Variants in TBRG1 observed in about 807,000 individuals in gnomAD.
TBRG1 encodes nuclear interactor of ARF and MDM2.
A neutral mutation model predicts 44.0 loss-of-function variants in TBRG1; 31 were observed. The observed-to-expected ratio is 0.70, with a 90% confidence interval of 0.53 to 0.95. TBRG1 has a LOEUF of 0.95. TBRG1 is among the 40% of genes least tolerant of loss of function. The pLI, the probability that TBRG1 is intolerant of heterozygous loss-of-function variation, is 0.00. For synonymous variants in TBRG1, 171 were observed against 188.1 expected (o/e 0.91, Z 0.74); for missense variants, 487 against 496.1 (o/e 0.98, Z 0.18).
At chr11:124,626,032 T>C in intron 3 of TBRG1, 129 bp downstream of exon 3, 1 of 1,320,126 alleles carries the variant, frequency 7.6e-7, no homozygotes, top group Non-Finnish European at 1.0e-6. Context: ...TAAGGAGCCC[T>C]AGGAGCCCTT....
At chr11:124,626,663 G>T in intron 4 of TBRG1, 54 bp downstream of exon 4, 1 of 1,540,064 alleles carries the variant, frequency 6.5e-7, no homozygotes, top group Non-Finnish European at 8.8e-7. Flanking sequence ...ACGGGAATGG[G>T]GTTGAGCCTT....
intron 1 of TBRG1, among the ~76,000 whole-genome samples, chr11:124,624,418 T>G (rs1421479042): frequency 6.6e-6 from 1 of 151,354 alleles, no homozygotes; most frequent in Non-Finnish European, 1.5e-5. Flanking sequence ...TATAAGTAGA[T>G]TGTGAAGTTT....
Position 124,623,216 on chromosome 11 carries a change from G to A in TBRG1, c.133G>A (p.Ala45Thr), listed in dbSNP as rs772928169. 3.4e-5 allele frequency: 52 copies of A among 1,551,556 alleles called. No individual in the cohort carries two copies. The highest frequency in any genetic ancestry group is 4.5e-5 in the Non-Finnish European group (52 of 1,147,018). Reference sequence around the variant, plus strand: ...GAAGTACCTGCGGCTGCGCAAAGCGGCCAAGGCCACGGTGTTTGTGAGTCT... The same window carrying A: ...GAAGTACCTGCGGCTGCGCAAAGCGACCAAGGCCACGGTGTTTGTGAGTCT... The part of the protein sequence containing the change: ...RLKYLRLRKA[A>T]KATVFENAAI... Residue 45 changes from alanine (A) to threonine (T), a missense_variant, in exon 1 of 9, where the codon GCC (alanine) becomes ACC (threonine). Coordinates refer to ENST00000441174, the MANE Select transcript of TBRG1 (RefSeq NM_032811.3).
chr11:124,627,572 C>T (rs1942500716), intron 5 of TBRG1, among the ~76,000 whole-genome samples: 1 of 151,714 alleles, frequency 6.6e-6, no homozygotes, highest in Non-Finnish European at 1.5e-5. Flanking sequence ...TAGGGAAAAA[C>T]AAAAAAATAG....
chr11:124,629,062 T>C (rs972660580), intron 5 of TBRG1, among the ~76,000 whole-genome samples: 4 of 152,258 alleles, frequency 2.6e-5, no homozygotes, highest in African/African-American at 9.6e-5. Context: ...ATAACATTTC[T>C]ATCTTTAATG....
Position 124,623,082 on chromosome 11 carries a change from C to T in TBRG1, c.-2C>T, listed in dbSNP as rs962223639. The T allele has an allele frequency of 1.9e-6, 3 of 1,547,160 alleles. No homozygotes were observed. In the African/African-American group the frequency reaches 4.1e-5, roughly 21 times the overall value. ...CTGGGGCCCCCGTAGCGGGGCTGGA[C>T]CATGAGCCTGCTGGACGGCCTCGCT... is the stretch of plus-strand genomic sequence containing the variant. On this transcript the variant is annotated 5_prime_UTR_variant, in exon 1 of 9. Transcript: ENST00000441174.
intron 7 of TBRG1, chr11:124,631,070 TG>T: frequency 1.6e-6 from 1 of 638,226 alleles, no homozygotes; most frequent in Non-Finnish European, 2.7e-6. Flanking sequence ...GTATGTACCA[TG>T]ACAGCAAAAG....
chr11:124,632,272 C>CGT lies in TBRG1; in HGVS notation c.*36_*37dup, dbSNP rs777404981. The CGT allele has an allele frequency of 6.3e-7, 1 of 1,597,690 alleles. No individual in the cohort carries two copies. The highest frequency in any genetic ancestry group is 1.3e-5 in the African/African-American group (1 of 74,364). On this transcript the variant is annotated 3_prime_UTR_variant, in exon 9 of 9. Transcript: ENST00000441174. ...GGATCAGATGCCACATCGTTTTTGT[C>CGT]GTGATTAATTTAACTTAAACTAAAA... is the stretch of plus-strand genomic sequence containing the variant.
In TBRG1 at chr11:124,625,723, C is replaced by G; in HGVS notation, c.274C>G (p.Gln92Glu). 6.4e-7 allele frequency: 1 copy of G among 1,556,096 alleles called. No homozygotes were observed. The highest frequency in any genetic ancestry group is 8.7e-7 in the Non-Finnish European group (1 of 1,148,936). The change falls in exon 3 of 9, where the codon CAG becomes GAG. Residue 92 changes from glutamine to glutamate, a missense_variant. Transcript: ENST00000441174. ...QLQALTEGEV[Q>E]AAAPSHSSSL... ...TCAGGCTCTAACTGAAGGGGAAGTA[C>G]AGGCTGCAGCTCCTTCCCACAGTTC...
chr11:124,626,956 G>A lies in TBRG1; in HGVS notation c.644G>A (p.Gly215Asp), dbSNP rs778381801. The change falls in exon 5 of 9, where the codon GGC becomes GAC. Residue 215 changes from glycine (G) to aspartate (D), a missense_variant. By Grantham distance (94) the Gly-to-Asp change is moderately conservative. Transcript: ENST00000441174. ...FHDESAIYPV[G>D]YCSTRIYASM... is the part of the protein sequence containing the mutation. The stretch of plus-strand genomic sequence containing the variant: ...GATGAGAGTGCCATCTACCCCGTGG[G>A]CTATTGCAGTACTCGAATATATGCC... The A allele has an allele frequency of 3.7e-6, 6 of 1,601,962 alleles. No individual in the cohort carries two copies. In the South Asian group the frequency reaches 4.5e-5, roughly 12 times the overall value.
chr11:124,629,127 C>T (rs1173895365), intron 5 of TBRG1, among the ~76,000 whole-genome samples: 1 of 152,092 alleles, frequency 6.6e-6, no homozygotes, highest in African/African-American at 2.4e-5. Flanking sequence ...TTGAAATTGA[C>T]ATGACAAATA....
chr11:124,631,563 A>AG, intron 8 of TBRG1, 146 bp downstream of exon 8: 2 of 875,218 alleles, frequency 2.3e-6, no homozygotes, highest in East Asian at 2.4e-5. Context: ...GCTGAGTTAG[A>AG]GGGGGACCTG....
In TBRG1 at chr11:124,632,120, C is replaced by T; in HGVS notation, c.1118C>T (p.Pro373Leu). 6.2e-7 allele frequency: 1 copy of T among 1,613,702 alleles called. No individual in the cohort carries two copies. ...PGSLDLPELQ[P>L]AAFVSSYQPM... is the part of the protein sequence containing the mutation. The stretch of plus-strand genomic sequence containing the variant: ...TCCTTGGACCTCCCAGAGCTTCAGC[C>T]TGCAGCCTTTGTGTCTTCTTACCAG... Residue 373 changes from proline (P) to leucine (L), a missense_variant, in exon 9 of 9, where the codon CCT becomes CTT. By Grantham distance (98) the Pro-to-Leu change is moderately conservative. Transcript: ENST00000441174.
At chr11:124,631,530 T>C (rs1388951003) in intron 8 of TBRG1, 113 bp downstream of exon 8, 14 of 1,173,150 alleles carry the variant, frequency 1.2e-5, no homozygotes, top group Admixed American at 1.7e-5. Context: ...ATAAAAGCTT[T>C]CATTGAATCA....
In TBRG1 at chr11:124,631,308, T is replaced by C. The variant is rs1942605184; in HGVS notation, c.981T>C (p.Pro327=). 1.2e-6 allele frequency: 2 copies of C among 1,610,348 alleles called. No homozygotes were observed. Among genetic ancestry groups the C allele is most frequent in the Non-Finnish European group, 1.7e-6 (2 of 1,178,220 alleles). ...GGGTGAAATTTGATGTGTGCAAACC[T>C]GGAGATGGGCAGCTACCTGAGGGGC... The part of the protein sequence containing the change: ...YQWVKFDVCK[P]GDGQLPEGLP... The change falls in exon 8 of 9, where the codon CCT becomes CCC. Residue 327 remains proline, a synonymous_variant. Coordinates refer to ENST00000441174, the MANE Select transcript of TBRG1 (RefSeq NM_032811.3).
In TBRG1 at chr11:124,633,055, A is replaced by G. The variant is rs1324025586; in HGVS notation, c.*817A>G. ...AATGTTCTGCTTAAACTCAAGATGG[A>G]AAGTCCAGTCCAAGGTACACTGTTC... On this transcript the variant is annotated 3_prime_UTR_variant, in exon 9 of 9. Transcript: ENST00000441174. 1.3e-5 allele frequency: 2 copies of G among 152,218 alleles called. No individual in the cohort carries two copies. The highest frequency in any genetic ancestry group is 1.3e-4 in the Admixed American group (2 of 15,280). 9.4% of individuals were successfully genotyped at this position (152,218 alleles called of 1,614,324 possible).
rs1337489764 is a variant in TBRG1, at chr11:124,625,776, C to T, written c.327C>T (p.Ala109=). 6.3e-7 allele frequency: 1 copy of T among 1,575,736 alleles called. No individual in the cohort carries two copies. Among genetic ancestry groups the T allele is most frequent in the South Asian group, 1.2e-5 (1 of 86,076 alleles). The part of the protein sequence containing the change: ...SSSLPLTYGV[A]SSVGTIQGAG... ...GTTTGCCCCTGACTTATGGTGTGGC[C>T]AGCTCTGTGGGAACTATACAGGGAG... The change falls in exon 3 of 9, where the codon GCC becomes GCT. Residue 109 remains alanine, a synonymous_variant. Transcript: ENST00000441174.
chr11:124,630,406 G>C lies in TBRG1; in HGVS notation c.757G>C (p.Asp253His). 6.2e-7 allele frequency: 1 copy of C among 1,613,482 alleles called. No individual in the cohort carries two copies. Among genetic ancestry groups the C allele is most frequent in the Non-Finnish European group, 8.5e-7 (1 of 1,179,476 alleles). ...TTCTCAGTTTGAAATTGTTCCTGAA[G>C]ATGACCCCCAGAATGCCATTGTCAG... Reference protein sequence around the residue: ...VQPQFEIVPEDDPQNAIVSSS... With the variant: ...VQPQFEIVPEHDPQNAIVSSS... Residue 253 changes from aspartate (D) to histidine (H), a missense_variant, in exon 6 of 9, where the codon GAT becomes CAT. Coordinates refer to ENST00000441174, the MANE Select transcript of TBRG1 (RefSeq NM_032811.3).
chr11:124,631,127 T>C lies in TBRG1; in HGVS notation c.948-148T>C, dbSNP rs1354250534. On this transcript the variant is annotated intron_variant, in intron 7 of 8. Transcript: ENST00000441174. ...TAATTTGTCACTAAAGAGGCCTGCTTATTTCTTTTAGGTTTTTGTTAGCAA... is the reference window on the plus strand; with the variant it reads ...TAATTTGTCACTAAAGAGGCCTGCTCATTTCTTTTAGGTTTTTGTTAGCAA... 9 of 804,194 alleles carry C rather than the reference T, an allele frequency of 1.1e-5. No individual in the cohort carries two copies. In the Admixed American group the frequency reaches 2.8e-4, roughly 25 times the overall value. 49.8% of individuals were successfully genotyped at this position (804,194 alleles called of 1,614,324 possible).
Sources: gnomAD v4.1 joint callset for allele counts (sites outside exome capture counted in the v4.1 genomes callset) on GRCh38, gnomAD v4.1.1 for gene constraint, MANE v1.5 for transcripts, NCBI Gene and HGNC (gene_info 2026-07-23, HGNC 2026-07-21) for gene names.